The following CTNND1 variants were observed in gnomAD, a reference collection of about 807,000 sequenced individuals.
CTNND1 encodes catenin delta-1.
CTNND1 carries 16 observed loss-of-function variants against 112.1 expected under a neutral mutation model. That is an observed-to-expected ratio of 0.14 (90% CI 0.10 to 0.22). CTNND1 has a LOEUF of 0.22. CTNND1 is among the 10% of genes least tolerant of loss of function. The probability of loss-of-function intolerance (pLI) is 1.00; values close to 1 mark genes in which losing one functional copy is unlikely to be tolerated. For synonymous variants in CTNND1, 420 were observed against 446.5 expected (o/e 0.94, Z 0.75); for missense variants, 1,008 against 1,257.0 (o/e 0.80, Z 3.00).
intron 1 of CTNND1, among the ~76,000 whole-genome samples, chr11:57,773,292 C>A (rs1160876606): frequency 6.6e-6 from 1 of 152,036 alleles, no homozygotes; most frequent in African/African-American, 2.4e-5. Context: ...TCCATCACAT[C>A]TGGCTACTTT....
intron 1 of CTNND1, among the ~76,000 whole-genome samples, chr11:57,768,978 T>C (rs1273092410): frequency 6.6e-6 from 1 of 151,970 alleles, no homozygotes; most frequent in Non-Finnish European, 1.5e-5. Flanking sequence ...GCCAATTTCT[T>C]TGAATAATTT....
intron 10 of CTNND1, 86 bp from the exon 11 acceptor site, chr11:57,806,375 C>G: frequency 8.1e-7 from 1 of 1,234,304 alleles, no homozygotes; most frequent in Non-Finnish European, 1.2e-6. Context: ...TGCTTATTTG[C>G]CCATGATTCT....
At chr11:57,766,400 C>T (rs944703484) in intron 1 of CTNND1, among the ~76,000 whole-genome samples, 93 of 152,212 alleles carry the variant, frequency 6.1e-4, no homozygotes, top group African/African-American at 1.9e-3. Context: ...AGATTTTGTT[C>T]ATGTATTGGG....
chr11:57,785,565 T>G lies in CTNND1; in HGVS notation c.-213-3472T>G, dbSNP rs184310758. ...TGATTTTTTTGTGTGTGTGTGTGTG[T>G]GGGGTACTGAGTCTAGCTCTGTCAC... On this transcript the variant is annotated intron_variant, in intron 1 of 20. Coordinates refer to ENST00000399050, the MANE Select transcript of CTNND1 (RefSeq NM_001085458.2). Among the ~76,000 whole-genome samples the G allele has an allele frequency of 4.0e-3, 601 of 152,092 alleles. 2 individuals are homozygous for G. Among genetic ancestry groups the G allele is most frequent in the Admixed American group, 5.5e-3 (84 of 15,266 alleles).
chr11:57,789,687 A>AT (rs1321211732), intron 2 of CTNND1, among the ~76,000 whole-genome samples: 1 of 152,180 alleles, frequency 6.6e-6, no homozygotes, highest in Non-Finnish European at 1.5e-5. Flanking sequence ...GCAAAAAAAA[A>AT]AATCTCATAA....
At chr11:57,812,710 C>T (rs1190253948) in intron 17 of CTNND1, among the ~76,000 whole-genome samples, 3 of 152,022 alleles carry the variant, frequency 2.0e-5, no homozygotes, top group South Asian at 2.1e-4. Context: ...GAGATGGGGT[C>T]TCCCTATGTT....
intron 6 of CTNND1, among the ~76,000 whole-genome samples, chr11:57,797,934 G>A (rs1252525259): frequency 6.7e-6 from 1 of 149,796 alleles, no homozygotes; most frequent in Non-Finnish European, 1.5e-5. Context: ...TGAAGTTTTT[G>A]CTGTTTCTGG....
intron 2 of CTNND1, 134 bp downstream of exon 2, chr11:57,789,289 G>A: frequency 1.8e-6 from 1 of 561,100 alleles, no homozygotes; most frequent in Non-Finnish European, 3.0e-6. Flanking sequence ...GTGAGAGGGT[G>A]GGAATTGGGG....
At chr11:57,805,770 G>T in intron 9 of CTNND1, 112 bp from the exon 10 acceptor site, 2 of 1,218,616 alleles carry the variant, frequency 1.6e-6, no homozygotes, top group Non-Finnish European at 2.3e-6. Flanking sequence ...GTTATGGATT[G>T]GGTTATGCAT....
intron 12 of CTNND1, among the ~76,000 whole-genome samples, chr11:57,807,678 A>G (rs2062874513): frequency 6.6e-6 from 1 of 151,418 alleles, no homozygotes; most frequent in South Asian, 2.1e-4. Context: ...GGATCTTTAT[A>G]TTCATCAATA....
At chr11:57,772,450 C>G (rs1230787691) in intron 1 of CTNND1, among the ~76,000 whole-genome samples, 1 of 152,164 alleles carries the variant, frequency 6.6e-6, no homozygotes, top group Non-Finnish European at 1.5e-5. Flanking sequence ...CCTGTTTCCC[C>G]ATGCCCTGAT....
chr11:57,796,907 T>C lies in CTNND1; in HGVS notation c.871T>C (p.Tyr291His). Residue 291 changes from tyrosine (Y) to histidine (H), a missense_variant, in exon 6 of 21, where the codon TAT (tyrosine) becomes CAT (histidine). Tyr to His is a moderately conservative substitution (Grantham distance 83). Transcript: ENST00000399050. ...AGAGGATGACCAGCGTAGTATGGGC[T>C]ATGATGACCTGGATTATGGTATGAT... is the stretch of plus-strand genomic sequence containing the variant. ...GLEDDQRSMGYDDLDYGMMSD... is the reference protein window; with the variant it reads ...GLEDDQRSMGHDDLDYGMMSD... The C allele has an allele frequency of 6.3e-7, 1 of 1,594,906 alleles. No homozygotes were observed. The highest frequency in any genetic ancestry group is 8.6e-7 in the Non-Finnish European group (1 of 1,167,204).
chr11:57,798,634 A>G (rs568276340), intron 6 of CTNND1, among the ~76,000 whole-genome samples: 13 of 152,248 alleles, frequency 8.5e-5, no homozygotes, highest in Admixed American at 2.0e-4. Context: ...TGACTTTACT[A>G]CTTGTTCCTG....
chr11:57,813,046 C>T (rs766770975), intron 17 of CTNND1, among the ~76,000 whole-genome samples: 4 of 152,142 alleles, frequency 2.6e-5, no homozygotes, highest in Non-Finnish European at 4.4e-5. Flanking sequence ...AAAGACTTTT[C>T]TAGGCTGAGT....
intron 1 of CTNND1, among the ~76,000 whole-genome samples, chr11:57,763,302 A>T (rs1035684619): frequency 6.6e-6 from 1 of 152,294 alleles, no homozygotes; most frequent in East Asian, 1.9e-4. Flanking sequence ...CCTGAAAATT[A>T]TAGATGCTGT....
At position 57,815,451 on chromosome 11, in the gene CTNND1, C is replaced by G. The variant is rs770230006; in HGVS notation, c.2759C>G (p.Ser920Trp). 1.2e-6 allele frequency: 2 copies of G among 1,612,446 alleles called. No individual in the cohort carries two copies. The highest frequency in any genetic ancestry group is 1.7e-6 in the Non-Finnish European group (2 of 1,179,296). Residue 920 changes from serine to tryptophan, a missense_variant, in exon 19 of 21, where the codon TCG becomes TGG. By Grantham distance (177) the Ser-to-Trp change is radical. This residue lies in a region of CTNND1 where 106 missense variants were observed against 116.2 expected (regional missense o/e 0.91). Coordinates refer to ENST00000399050, the MANE Select transcript of CTNND1 (RefSeq NM_001085458.2). Reference sequence around the variant, plus strand: ...GACCACAATAGAACACTGGATCGATCGGGGGATCTAGGCGACATGGAGCCA... The same window carrying G: ...GACCACAATAGAACACTGGATCGATGGGGGGATCTAGGCGACATGGAGCCA... Reference protein sequence around the residue: ...RGDHNRTLDRSGDLGDMEPLK... With the variant: ...RGDHNRTLDRWGDLGDMEPLK...
intron 1 of CTNND1, among the ~76,000 whole-genome samples, chr11:57,786,228 T>G (rs1383451959): frequency 6.7e-6 from 1 of 150,364 alleles, no homozygotes; most frequent in East Asian, 2.0e-4. Context: ...AAATGTAGTC[T>G]ATTTAAAAAT....
intron 1 of CTNND1, chr11:57,763,772 CCACT>C (rs986060556): frequency 6.6e-6 from 1 of 152,110 alleles, no homozygotes; most frequent in African/African-American, 2.4e-5. Flanking sequence ...TGTCTGTTTC[CCACT>C]CAACCTTTAG....
At chr11:57,770,487 T>C (rs1322854286) in intron 1 of CTNND1, among the ~76,000 whole-genome samples, 2 of 151,844 alleles carry the variant, frequency 1.3e-5, no homozygotes, top group Non-Finnish European at 2.9e-5. Flanking sequence ...ACCCTGTGTC[T>C]ACTAAAATTT....
Sources: gnomAD v4.1 joint callset for allele counts (sites outside exome capture counted in the v4.1 genomes callset) on GRCh38, gnomAD v4.1.1 for gene constraint, gnomAD v4.1.1 regional missense constraint, MANE v1.5 for transcripts, NCBI Gene and HGNC (gene_info 2026-07-23, HGNC 2026-07-21) for gene names.